Variants in UNC13A observed in about 807,000 individuals in gnomAD.
UNC13A encodes the protein protein unc-13 homolog A.
A neutral mutation model predicts 219.7 loss-of-function variants in UNC13A; 61 were observed. The ratio of observed to expected loss-of-function variants is 0.28; its 90% CI spans 0.23 to 0.34. The LOEUF is 0.34. UNC13A is among the 10% of genes least tolerant of loss of function. The probability of loss-of-function intolerance (pLI) is 1.00; values close to 1 mark genes in which losing one functional copy is unlikely to be tolerated. For synonymous variants in UNC13A, 920 were observed against 884.6 expected (o/e 1.04, Z -0.71); for missense variants, 1,476 against 2,270.3 (o/e 0.65, Z 7.11).
Position 17,656,133 on chromosome 19 carries a change from CCAGCTCCTCCTCATCTTCAGG to C in UNC13A, c.1012_1032del (p.Pro338_Leu344del). The C allele has an allele frequency of 6.4e-7, 1 of 1,552,156 alleles. No individual in the cohort carries two copies. The highest frequency in any genetic ancestry group is 8.7e-7 in the Non-Finnish European group (1 of 1,147,022). ...TCAGGCACCTCCTCCTCCTCCTCCT[CCAGCTCCTCCTCATCTTCAGG>C]CAGCTCCTCCTCCTCCAGGAAGTCC... On this transcript the variant is annotated inframe_deletion, in exon 10 of 44. Coordinates refer to ENST00000519716, the MANE Select transcript of UNC13A (RefSeq NM_001080421.3).
intron 6 of UNC13A, among the ~76,000 whole-genome samples, chr19:17,667,236 C>T (rs961301451): frequency 1.8e-4 from 25 of 136,048 alleles, no homozygotes; most frequent in African/African-American, 7.1e-4. Context: ...GGTGACACAG[C>T]GAGACTCCGT....
rs1474227833 is a variant in UNC13A at position 17,688,277 on chromosome 19, C to T, written c.-78G>A. On this transcript the variant is annotated 5_prime_UTR_variant, in exon 1 of 44. The change abolishes an upstream ATG in the 5' untranslated region. Coordinates refer to ENST00000519716, the MANE Select transcript of UNC13A (RefSeq NM_001080421.3). ...GGGCTCAGCGGCCGCTGGGCTGGGG[C>T]ATCTCCCGGCTGCAGCCCGCGCTTG... 7.3e-7 allele frequency: 1 copy of T among 1,370,062 alleles called. No homozygotes were observed. Among genetic ancestry groups the T allele is most frequent in the Non-Finnish European group, 9.4e-7 (1 of 1,062,406 alleles). 84.9% of individuals were successfully genotyped at this position (1,370,062 alleles called of 1,614,324 possible).
intron 43 of UNC13A, 40 bp downstream of exon 43, chr19:17,609,900 C>T: frequency 1.2e-6 from 2 of 1,607,506 alleles, no homozygotes; most frequent in Non-Finnish European, 8.5e-7. Flanking sequence ...CGGATGCCCC[C>T]TCCCTTGCCC....
intron 11 of UNC13A, among the ~76,000 whole-genome samples, chr19:17,654,152 C>G (rs145554004): frequency 1.3e-5 from 2 of 152,176 alleles, no homozygotes; most frequent in Non-Finnish European, 2.9e-5. Flanking sequence ...GTGTCATCTC[C>G]TCCAGGGAGT....
At chr19:17,667,225 T>G (rs1008143325) in intron 6 of UNC13A, among the ~76,000 whole-genome samples, 1 of 146,224 alleles carries the variant, frequency 6.8e-6, no homozygotes, top group African/African-American at 2.6e-5. Flanking sequence ...CACTCCAGCC[T>G]GGTGACACAG....
chr19:17,647,440 G>A lies in UNC13A; in HGVS notation c.1869C>T (p.Ile623=). Residue 623 remains isoleucine, a synonymous_variant, in exon 17 of 44, where the codon ATC becomes ATT. Coordinates refer to ENST00000519716, the MANE Select transcript of UNC13A (RefSeq NM_001080421.3). ...KHGAEDRTQN[I]IMVLKDRMKI... ...TCATGCGGTCCTTGAGCACCATGAT[G>A]ATGTTCTGTGTCCGGTCCTCCGCCC... 6.2e-7 allele frequency: 1 copy of A among 1,613,678 alleles called. No individual in the cohort carries two copies. The highest frequency in any genetic ancestry group is 8.5e-7 in the Non-Finnish European group (1 of 1,179,842).
chr19:17,620,656 G>A (rs1402066932), intron 38 of UNC13A, 37 bp downstream of exon 38: 1 of 1,601,554 alleles, frequency 6.2e-7, no homozygotes, highest in Admixed American at 1.7e-5. Context: ...GGGGGAGTGG[G>A]ATGGGAGCCA....
intron 38 of UNC13A, 71 bp from the exon 39 acceptor site, chr19:17,619,033 C>A: frequency 6.8e-7 from 1 of 1,475,800 alleles, no homozygotes; most frequent in Non-Finnish European, 9.5e-7. Flanking sequence ...CAGAGACCAT[C>A]TTGGTTCTTG....
At position 17,656,093 on chromosome 19, in the gene UNC13A, T is replaced by C. The variant is rs1056359417; in HGVS notation, c.1073A>G (p.Tyr358Cys). The C allele has an allele frequency of 1.4e-5, 22 of 1,552,778 alleles. No individual in the cohort carries two copies. Among genetic ancestry groups the C allele is most frequent in the Non-Finnish European group, 1.8e-5 (21 of 1,147,520 alleles). The change falls in exon 10 of 44, where the codon TAT (tyrosine) becomes TGT (cysteine). Residue 358 changes from tyrosine to cysteine, a missense_variant. Physicochemically the swap from Tyr to Cys is radical, Grantham distance 194. Coordinates refer to ENST00000519716, the MANE Select transcript of UNC13A (RefSeq NM_001080421.3). The stretch of plus-strand genomic sequence containing the variant: ...CACAGCTACGTCTTCACGCTGGGCA[T>C]AGCTGCCCAAATCGTCAGGCACCTC... ...EEEVPDDLGSYAQREDVAVAE... is the reference protein window; with the variant it reads ...EEEVPDDLGSCAQREDVAVAE...
chr19:17,606,481 T>A, intron 43 of UNC13A, 127 bp from the exon 44 acceptor site: 1 of 1,292,402 alleles, frequency 7.7e-7, no homozygotes. Flanking sequence ...CCTCCCACGC[T>A]ACGCTAGCCC....
chr19:17,646,827 C>A (rs1363491251), intron 17 of UNC13A, among the ~76,000 whole-genome samples: 1 of 152,196 alleles, frequency 6.6e-6, no homozygotes, highest in Non-Finnish European at 1.5e-5. Flanking sequence ...AGTATCCTCG[C>A]CCCTAAGTGG....
chr19:17,649,257 C>T lies in UNC13A; in HGVS notation c.1524+82G>A. On this transcript the variant is annotated intron_variant, in intron 14 of 43. Coordinates refer to ENST00000519716, the MANE Select transcript of UNC13A (RefSeq NM_001080421.3). The surrounding 1 kb of genome is among the most constrained non-coding windows in gnomAD (Gnocchi z 4.4). ...GACATGGCAAGGTTCCCCCATAATC[C>T]ATGAATTGGGGGCCTGTTAGAAGAT... 6.5e-7 allele frequency: 1 copy of T among 1,532,774 alleles called. No individual in the cohort carries two copies. Among genetic ancestry groups the T allele is most frequent in the Admixed American group, 2.0e-5 (1 of 51,076 alleles). The allele number at this position is 1,532,774 out of a possible 1,614,324, so 94.9% of individuals were successfully genotyped here.
chr19:17,616,361 C>A, intron 41 of UNC13A: 1 of 686,304 alleles, frequency 1.5e-6, no homozygotes, highest in Non-Finnish European at 2.7e-6. Flanking sequence ...GGGGCGCAGG[C>A]ACCGGGCACC....
At position 17,641,531 on chromosome 19, in the gene UNC13A, A is replaced by ACGT; in HGVS notation, c.2495_2497dup (p.Asp832dup). On this transcript the variant is annotated inframe_insertion, in exon 21 of 44. Transcript: ENST00000519716. Reference sequence around the variant, plus strand: ...GATCTTCACGACCCCATTGTTCTGCACGTCGGTCACGAAGTGGAACAGGTT... The same window carrying ACGT: ...GATCTTCACGACCCCATTGTTCTGCACGTCGTCGGTCACGAAGTGGAACAGGTT... The ACGT allele has an allele frequency of 6.2e-7, 1 of 1,613,956 alleles. No individual in the cohort carries two copies. Among genetic ancestry groups the ACGT allele is most frequent in the Non-Finnish European group, 8.5e-7 (1 of 1,179,898 alleles).
chr19:17,650,933 ATTTTTTTTTTT>A (rs34451347), intron 12 of UNC13A, among the ~76,000 whole-genome samples: 1 of 128,286 alleles, frequency 7.8e-6, no homozygotes, highest in Admixed American at 8.3e-5. Flanking sequence ...CACCCAGCAA[ATTTTTTTTTTT>A]TTTTTTTTTT....
intron 6 of UNC13A, among the ~76,000 whole-genome samples, chr19:17,666,909 AGAAAGACAGAGACAG>A (rs2079662309): frequency 6.9e-6 from 1 of 144,188 alleles, no homozygotes; most frequent in Non-Finnish European, 1.5e-5. Context: ...AGAGAGAGAG[AGAAAGACAGAGACAG>A]AGACAGAGAC....
chr19:17,666,879 C>CGAGAGAGAGAG (rs753055527), intron 6 of UNC13A, among the ~76,000 whole-genome samples, 175 bp from the exon 7 acceptor site: 4 of 116,416 alleles, frequency 3.4e-5, no homozygotes, highest in African/African-American at 1.3e-4. Flanking sequence ...CACACACACA[C>CGAGAGAGAGAG]ACGAGAGAGA....
At chr19:17,655,624 C>T (rs1415042720) in intron 10 of UNC13A, among the ~76,000 whole-genome samples, 1 of 152,178 alleles carries the variant, frequency 6.6e-6, no homozygotes, top group African/African-American at 2.4e-5. Flanking sequence ...GCCCCTCTGG[C>T]CCCCCATTTG....
chr19:17,677,819 C>T (rs1214399040), intron 1 of UNC13A, among the ~76,000 whole-genome samples: 1 of 152,170 alleles, frequency 6.6e-6, no homozygotes, highest in Non-Finnish European at 1.5e-5. Context: ...CCTTCATCTC[C>T]CTCCCAAATG....
Sources: allele counts gnomAD v4.1 joint callset (sites outside exome capture counted in the v4.1 genomes callset), GRCh38; gene constraint gnomAD v4.1.1; non-coding constraint Gnocchi (gnomAD v3.1); transcripts MANE v1.5; gene names NCBI Gene and HGNC (gene_info 2026-07-23, HGNC 2026-07-21).